EGF: variants seen among roughly 807,000 people sequenced by gnomAD.
The protein encoded by EGF is pro-epidermal growth factor.
Under a neutral mutation model 143.8 loss-of-function variants are expected in EGF, and 95 were observed. The ratio of observed to expected loss-of-function variants is 0.66; its 90% CI spans 0.56 to 0.78. The LOEUF (loss-of-function observed/expected upper bound fraction) is 0.78. EGF is among the 30% of genes least tolerant of loss of function. EGF has a pLI of 0.00. For missense variants in EGF, 1,320 were observed against 1,470.9 expected (o/e 0.90, Z 1.68); for synonymous variants, 510 against 510.5 (o/e 1.00, Z 0.01).
rs527976302 is a variant in EGF at position 109,917,295 on chromosome 4, C to T, written c.127+3833C>T. 7.2e-5 allele frequency among the ~76,000 whole-genome samples: 11 copies of T among 152,298 alleles called. No homozygotes were observed. The South Asian group carries it at 2.1e-3, about 29-fold the overall frequency. ...AATTTGAGCTTGTCAAAATATTTGA[C>T]ATTCAATTTAGAAGTTGCTTGTGTT... On this transcript the variant is annotated intron_variant, in intron 1 of 23. Coordinates refer to ENST00000265171, the MANE Select transcript of EGF (RefSeq NM_001963.6).
At chr4:110,000,860 T>G (rs528699163) in intron 21 of EGF, among the ~76,000 whole-genome samples, 1 of 152,204 alleles carries the variant, frequency 6.6e-6, no homozygotes, top group Admixed American at 6.5e-5. Flanking sequence ...ATCTTATCAT[T>G]TCATGGCTGG....
intron 1 of EGF, among the ~76,000 whole-genome samples, chr4:109,933,097 A>AT (rs1483630505): frequency 1.3e-5 from 2 of 152,242 alleles, no homozygotes; most frequent in Admixed American, 6.5e-5. Flanking sequence ...CTATAATTTC[A>AT]TTTTTTTCCC....
chr4:109,949,105 C>T (rs141043686), intron 5 of EGF, among the ~76,000 whole-genome samples: 101 of 151,982 alleles, frequency 6.6e-4, no homozygotes, highest in African/African-American at 2.1e-3. Context: ...CTCGCTCTAT[C>T]GCCGAGGCTG....
chr4:109,968,198 G>A (rs761537013), intron 10 of EGF, among the ~76,000 whole-genome samples: 3 of 152,108 alleles, frequency 2.0e-5, no homozygotes, highest in Non-Finnish European at 4.4e-5. Flanking sequence ...ATCATCAACC[G>A]AAATGTCATT....
chr4:109,932,878 A>C (rs1740040375), intron 1 of EGF, among the ~76,000 whole-genome samples: 1 of 152,128 alleles, frequency 6.6e-6, no homozygotes, highest in Non-Finnish European at 1.5e-5. Flanking sequence ...CTATGAGTTT[A>C]AGGTGTCTCT....
intron 5 of EGF, among the ~76,000 whole-genome samples, chr4:109,950,414 C>T (rs1579577492): frequency 6.6e-6 from 1 of 152,298 alleles, no homozygotes; most frequent in East Asian, 1.9e-4. Context: ...CTCTGCCCTT[C>T]CTGCAGGTTT....
At chr4:109,948,367 T>G (rs1056935791) in intron 5 of EGF, among the ~76,000 whole-genome samples, 1 of 152,234 alleles carries the variant, frequency 6.6e-6, no homozygotes, top group Non-Finnish European at 1.5e-5. Flanking sequence ...GCTCTTTACC[T>G]GTGATGTAGG....
In EGF at chr4:110,004,685, C is replaced by A. The variant is rs1334304287; in HGVS notation, c.3291+63C>A. 23 of 1,301,326 alleles carry A rather than the reference C, an allele frequency of 1.8e-5. No individual in the cohort carries two copies. In the South Asian group the frequency reaches 2.7e-4, roughly 15 times the overall value. 80.6% of individuals were successfully genotyped at this position (1,301,326 alleles called of 1,614,324 possible). ...TGATATTAACCCCTATTCATTTTTT[C>A]TATTTTTTCACTGAGTTCAGAATGA... is the stretch of plus-strand genomic sequence containing the variant. On this transcript the variant is annotated intron_variant, in intron 22 of 23. Coordinates refer to ENST00000265171, the MANE Select transcript of EGF (RefSeq NM_001963.6).
At chr4:109,939,717 G>T (rs114701967) in intron 1 of EGF, among the ~76,000 whole-genome samples, 3,528 of 152,300 alleles carry the variant, frequency 0.023, 132 homozygotes, top group African/African-American at 0.079. Flanking sequence ...ACTCTCCAAA[G>T]TGGAGTTAGT....
intron 23 of EGF, 91 bp downstream of exon 23, chr4:110,008,321 C>A: frequency 7.1e-7 from 1 of 1,412,436 alleles, no homozygotes; most frequent in Non-Finnish European, 9.9e-7. Flanking sequence ...ACCACACACA[C>A]ACACACAAAC....
At chr4:110,004,694 C>T (rs1753027894) in intron 22 of EGF, 72 bp downstream of exon 22, 2 of 1,246,928 alleles carry the variant, frequency 1.6e-6, no homozygotes, top group Non-Finnish European at 2.2e-6. Context: ...TCTATTTTTT[C>T]ACTGAGTTCA....
intron 6 of EGF, 127 bp from the exon 7 acceptor site, chr4:109,960,740 A>G (rs1302395320): frequency 1.0e-5 from 11 of 1,066,394 alleles, no homozygotes. Context: ...TGGAAAACAG[A>G]CTTTCCATGA....
chr4:109,927,021 A>AG (rs1327468836), intron 1 of EGF, among the ~76,000 whole-genome samples: 2 of 152,192 alleles, frequency 1.3e-5, no homozygotes, highest in Non-Finnish European at 2.9e-5. Flanking sequence ...CCAAATACAG[A>AG]GTTTTTGTCT....
intron 13 of EGF, among the ~76,000 whole-genome samples, chr4:109,977,832 C>T (rs1748737673): frequency 6.6e-6 from 1 of 151,938 alleles, no homozygotes; most frequent in South Asian, 2.1e-4. Flanking sequence ...GGAGTGAAAC[C>T]GTCTCAAAAA....
At chr4:109,970,188 G>A (rs913074766) in intron 11 of EGF, among the ~76,000 whole-genome samples, 7 of 152,138 alleles carry the variant, frequency 4.6e-5, no homozygotes, top group African/African-American at 1.7e-4. Flanking sequence ...GAACTGAATG[G>A]CAGGAAGCAG....
intron 23 of EGF, among the ~76,000 whole-genome samples, chr4:110,008,730 T>G (rs1202700429): frequency 6.6e-6 from 1 of 152,226 alleles, no homozygotes; most frequent in Non-Finnish European, 1.5e-5. Context: ...CGCCTGGCTG[T>G]CTGTGAAGTC....
chr4:109,929,644 G>A (rs1739335232), intron 1 of EGF, among the ~76,000 whole-genome samples: 1 of 152,146 alleles, frequency 6.6e-6, no homozygotes, highest in Non-Finnish European at 1.5e-5. Flanking sequence ...TGCTCTGGAT[G>A]ACACATTTCT....
At chr4:109,934,024 T>C (rs1275931048) in intron 1 of EGF, among the ~76,000 whole-genome samples, 1 of 152,224 alleles carries the variant, frequency 6.6e-6, no homozygotes, top group Non-Finnish European at 1.5e-5. Flanking sequence ...GTTGAACTAA[T>C]TTACACTCCC....
chr4:110,004,014 A>G (rs1012514038), intron 21 of EGF, among the ~76,000 whole-genome samples: 2 of 152,068 alleles, frequency 1.3e-5, no homozygotes, highest in African/African-American at 4.8e-5. Context: ...TTCACTTGTA[A>G]ATGGAGCTAA....
Sources: allele counts gnomAD v4.1 joint callset (sites outside exome capture counted in the v4.1 genomes callset), GRCh38; gene constraint gnomAD v4.1.1; transcripts MANE v1.5; gene names NCBI Gene and HGNC (gene_info 2026-07-23, HGNC 2026-07-21).